Variants in LYPLA1 observed in about 807,000 individuals in gnomAD.
LYPLA1 encodes the protein acyl-protein thioesterase 1.
Under a neutral mutation model 34.0 loss-of-function variants are expected in LYPLA1, and 17 were observed. That is an observed-to-expected ratio of 0.50 (90% CI 0.34 to 0.75). The LOEUF is 0.75. Among genes scored for constraint, LYPLA1 ranks in the 30% least tolerant of loss-of-function variants. LYPLA1 has a pLI of 0.01. For synonymous variants in LYPLA1, 98 were observed against 100.8 expected (o/e 0.97, Z 0.17); for missense variants, 203 against 288.8 (o/e 0.70, Z 2.15).
At chr8:54,092,014 G>T (rs1197084148) in intron 2 of LYPLA1, among the ~76,000 whole-genome samples, 2 of 151,992 alleles carry the variant, frequency 1.3e-5, no homozygotes, top group African/African-American at 4.8e-5. Context: ...AGGCTGCAGT[G>T]AGCTGTGTTC....
chr8:54,075,768 AAT>A (rs1180802651), intron 2 of LYPLA1, among the ~76,000 whole-genome samples: 1 of 152,192 alleles, frequency 6.6e-6, no homozygotes, highest in Non-Finnish European at 1.5e-5. Context: ...TATTTACCAT[AAT>A]AAATCTGCTC....
chr8:54,077,326 C>T (rs1807983199), intron 2 of LYPLA1, among the ~76,000 whole-genome samples: 3 of 152,056 alleles, frequency 2.0e-5, no homozygotes. Context: ...GAACAACAGA[C>T]ACTGGGGCCT....
intron 5 of LYPLA1, among the ~76,000 whole-genome samples, chr8:54,057,440 G>A (rs999664028): frequency 3.9e-5 from 6 of 152,116 alleles, no homozygotes; most frequent in African/African-American, 1.2e-4. Flanking sequence ...ACTGGATGAA[G>A]AAAATGTGGT....
chr8:54,095,158 A>C (rs1440354239), intron 2 of LYPLA1, among the ~76,000 whole-genome samples: 1 of 151,940 alleles, frequency 6.6e-6, no homozygotes, highest in Non-Finnish European at 1.5e-5. Context: ...CATCCTGTCC[A>C]GCTAGTTTTT....
At chr8:54,054,946 T>TA (rs1419380546) in intron 6 of LYPLA1, 114 bp downstream of exon 6, 1 of 665,308 alleles carries the variant, frequency 1.5e-6, no homozygotes, top group East Asian at 2.8e-5. Context: ...AAGGTAAGTG[T>TA]ATCAGTCAAG....
intron 5 of LYPLA1, among the ~76,000 whole-genome samples, chr8:54,056,437 A>G (rs543278094): frequency 6.6e-6 from 1 of 152,342 alleles, no homozygotes; most frequent in South Asian, 2.1e-4. Context: ...GCAAAAATGG[A>G]CAAATGGGAT....
chr8:54,084,063 C>T (rs1051621883), intron 2 of LYPLA1, among the ~76,000 whole-genome samples: 3 of 148,550 alleles, frequency 2.0e-5, no homozygotes, highest in Non-Finnish European at 4.4e-5. Context: ...ACTTGAACCT[C>T]GGAAGCAGAG....
chr8:54,060,729 G>A (rs574463035), intron 5 of LYPLA1, among the ~76,000 whole-genome samples: 24 of 117,604 alleles, frequency 2.0e-4, no homozygotes, highest in Middle Eastern at 8.5e-3. Flanking sequence ...GTCTCCCTCT[G>A]TCACCCAGGC....
chr8:54,074,506 A>T, intron 2 of LYPLA1, among the ~76,000 whole-genome samples: 1 of 152,220 alleles, frequency 6.6e-6, no homozygotes, highest in Admixed American at 6.5e-5. Flanking sequence ...TTTTTACATC[A>T]CCCACATTAG....
chr8:54,044,653 G>A (rs970563248), downstream of LYPLA1, among the ~76,000 whole-genome samples: 2 of 151,764 alleles, frequency 1.3e-5, no homozygotes, highest in African/African-American at 4.8e-5. Flanking sequence ...AAAGGGTCCT[G>A]GCTTGGCTGG....
At chr8:54,100,341 C>T (rs1257468251) in intron 2 of LYPLA1, 4 of 152,688 alleles carry the variant, frequency 2.6e-5, no homozygotes, top group East Asian at 1.9e-4. Flanking sequence ...AGAGAGAGCC[C>T]TTGTCTCTAA....
intron 5 of LYPLA1, among the ~76,000 whole-genome samples, chr8:54,057,232 G>A (rs1160746862): frequency 6.6e-6 from 1 of 152,066 alleles, no homozygotes; most frequent in African/African-American, 2.4e-5. Flanking sequence ...GCTACCATAT[G>A]AACCAGCAAT....
intron 8 of LYPLA1, among the ~76,000 whole-genome samples, chr8:54,050,745 ATCTT>A (rs1412300154): frequency 1.3e-5 from 2 of 152,208 alleles, no homozygotes; most frequent in African/African-American, 2.4e-5. Flanking sequence ...TTAGACATGC[ATCTT>A]TCTATTAAAT....
At chr8:54,049,217 G>T (rs1805679204) in intron 8 of LYPLA1, among the ~76,000 whole-genome samples, 1 of 152,208 alleles carries the variant, frequency 6.6e-6, no homozygotes, top group Admixed American at 6.5e-5. Context: ...AAAACTGTCA[G>T]TATGACTATC....
Position 54,100,909 on chromosome 8 carries a change from C to G in LYPLA1, c.100G>C (p.Gly34Arg), listed in dbSNP as rs1810085801. The G allele has an allele frequency of 1.2e-6, 2 of 1,609,150 alleles. No individual in the cohort carries two copies. The highest frequency in any genetic ancestry group is 2.7e-5 in the African/African-American group (2 of 74,788). Residue 34 changes from glycine to arginine, a missense_variant and splice_region_variant, in exon 2 of 9, where the codon GGG (glycine) becomes CGG (arginine). By Grantham distance (125) the Gly-to-Arg change is moderately radical. Around this residue, in one of 3 missense-constraint regions of LYPLA1, gnomAD observed 75 missense variants for 73.5 expected, o/e 1.02. Coordinates refer to ENST00000316963, the MANE Select transcript of LYPLA1 (RefSeq NM_006330.4). ...ACTATTAATAATAATGGTACCTACCCAGTATCTCCCAATCCATGCAGGAAA... is the reference window on the plus strand; with the variant it reads ...ACTATTAATAATAATGGTACCTACCGAGTATCTCCCAATCCATGCAGGAAA... ...VIFLHGLGDT[G>R]HGWAEAFAGI...
chr8:54,053,437 T>C, intron 6 of LYPLA1: 2 of 334,520 alleles, frequency 6.0e-6, no homozygotes, highest in Admixed American at 3.8e-5. Flanking sequence ...AAGATAATAA[T>C]AACTATTTAG....
chr8:54,082,618 C>A (rs1040530351), intron 2 of LYPLA1, among the ~76,000 whole-genome samples: 1 of 152,172 alleles, frequency 6.6e-6, no homozygotes, highest in South Asian at 2.1e-4. Flanking sequence ...TGCACCTGCC[C>A]AGGATACACT....
At chr8:54,086,575 AAAAGAC>A (rs1172386743) in intron 2 of LYPLA1, among the ~76,000 whole-genome samples, 1 of 149,754 alleles carries the variant, frequency 6.7e-6, no homozygotes, top group Non-Finnish European at 1.5e-5. Flanking sequence ...AAAAAAAAAA[AAAAGAC>A]AGCCAGGTGT....
intron 2 of LYPLA1, among the ~76,000 whole-genome samples, chr8:54,078,659 G>C (rs1009443430): frequency 6.6e-6 from 1 of 152,200 alleles, no homozygotes; most frequent in South Asian, 2.1e-4. Context: ...ATCTAGACTT[G>C]TGACTTTGGG....
Sources: allele counts gnomAD v4.1 joint callset (sites outside exome capture counted in the v4.1 genomes callset), GRCh38; gene constraint gnomAD v4.1.1; regional missense constraint gnomAD v4.1.1; transcripts MANE v1.5; gene names NCBI Gene and HGNC (gene_info 2026-07-23, HGNC 2026-07-21).